The following SIPA1L2 variants were observed in gnomAD, a reference collection of about 807,000 sequenced individuals.
SIPA1L2 encodes signal induced proliferation associated 1 like 2.
In SIPA1L2, 56 loss-of-function variants were observed where a neutral mutation model predicts 163.9. The observed-to-expected ratio is 0.34, with a 90% CI of 0.28 to 0.43. SIPA1L2 has a LOEUF of 0.43. Ranked by LOEUF, SIPA1L2 falls within the 20% of genes least tolerant of loss-of-function variation. The probability of loss-of-function intolerance (pLI) is 1.00; values close to 1 mark genes in which losing one functional copy is unlikely to be tolerated. For missense variants in SIPA1L2, 1,974 were observed against 2,193.5 expected (o/e 0.90, Z 2.00); for synonymous variants, 877 against 865.7 (o/e 1.01, Z -0.23).
intron 1 of SIPA1L2, among the ~76,000 whole-genome samples, chr1:232,610,789 G>A (rs1662198113): frequency 6.6e-6 from 1 of 152,138 alleles, no homozygotes; most frequent in Non-Finnish European, 1.5e-5. Context: ...AGCAAGTGAA[G>A]GAGAATAAGG....
intron 7 of SIPA1L2, among the ~76,000 whole-genome samples, chr1:232,475,984 G>A (rs962118767): frequency 2.6e-5 from 4 of 152,116 alleles, no homozygotes; most frequent in Non-Finnish European, 5.9e-5. Flanking sequence ...GCTACTCATG[G>A]AAAGCTAAGT....
intron 22 of SIPA1L2, among the ~76,000 whole-genome samples, chr1:232,400,505 CAG>C (rs1660275048): frequency 6.6e-6 from 1 of 152,268 alleles, no homozygotes; most frequent in Non-Finnish European, 1.5e-5. Flanking sequence ...GTCGGGCAGG[CAG>C]ACAGTGCATC....
At chr1:232,508,162 A>C (rs1331531982) in intron 3 of SIPA1L2, among the ~76,000 whole-genome samples, 1 of 152,198 alleles carries the variant, frequency 6.6e-6, no homozygotes, top group African/African-American at 2.4e-5. Context: ...CTCTAGCAAA[A>C]CAACGTTCCC....
At position 232,402,381 on chromosome 1, in the gene SIPA1L2, C is replaced by G; in HGVS notation, c.5022+11G>C. The G allele has an allele frequency of 6.2e-7, 1 of 1,610,372 alleles. No individual in the cohort carries two copies. Among genetic ancestry groups the G allele is most frequent in the Non-Finnish European group, 8.5e-7 (1 of 1,177,730 alleles). On this transcript the variant is annotated intron_variant, in intron 22 of 22. Coordinates refer to ENST00000674635, the MANE Select transcript of SIPA1L2 (RefSeq NM_020808.5). The stretch of plus-strand genomic sequence containing the variant: ...AGAAACAGTTCTGATTATGCTCTTC[C>G]AATTGATTACCTTCCGAAGGTCGGT...
At chr1:232,411,967 T>C (rs1376933799) in intron 19 of SIPA1L2, among the ~76,000 whole-genome samples, 3 of 152,204 alleles carry the variant, frequency 2.0e-5, no homozygotes, top group African/African-American at 7.2e-5. Flanking sequence ...GCCTCCTTTT[T>C]GGAGGGAGCT....
At chr1:232,441,905 A>T in intron 12 of SIPA1L2, 37 bp from the exon 13 acceptor site, 1 of 1,558,778 alleles carries the variant, frequency 6.4e-7, no homozygotes, top group Non-Finnish European at 8.8e-7. Flanking sequence ...TCCTTTCTCA[A>T]CCGTGCCACC....
At position 232,443,593 on chromosome 1, in the gene SIPA1L2, G is replaced by T; in HGVS notation, c.3437+9C>A. On this transcript the variant is annotated intron_variant, in intron 12 of 22. Coordinates refer to ENST00000674635, the MANE Select transcript of SIPA1L2 (RefSeq NM_020808.5). ...CCCAGTGGATAACTAAGATAAAAATGAACAGTACCCGTCGTAGCCCACTTG... is the reference window on the plus strand; with the variant it reads ...CCCAGTGGATAACTAAGATAAAAATTAACAGTACCCGTCGTAGCCCACTTG... 2.5e-6 allele frequency: 4 copies of T among 1,570,192 alleles called. No individual in the cohort carries two copies. Among genetic ancestry groups the T allele is most frequent in the Non-Finnish European group, 3.5e-6 (4 of 1,157,132 alleles).
rs187794986 is a variant in SIPA1L2 at position 232,436,012 on chromosome 1, G to C, written c.4031+3096C>G. Among the ~76,000 whole-genome samples the C allele has an allele frequency of 1.5e-4, 23 of 152,238 alleles. No individual in the cohort carries two copies. The East Asian group carries it at 4.1e-3, about 27-fold the overall frequency. ...GCTGGAGGAGGCTGCTATGGTGTCG[G>C]TTGTGAAAACCCAGAGTTAAAGAAT... On this transcript the variant is annotated intron_variant, in intron 15 of 22. Coordinates refer to ENST00000674635, the MANE Select transcript of SIPA1L2 (RefSeq NM_020808.5).
chr1:232,558,628 AC>A (rs550072700), intron 2 of SIPA1L2, among the ~76,000 whole-genome samples: 1 of 152,220 alleles, frequency 6.6e-6, no homozygotes, highest in African/African-American at 2.4e-5. Context: ...TTCTCAGTGC[AC>A]CCCCAAACAA....
chr1:232,466,505 G>C (rs1359115786), intron 8 of SIPA1L2, among the ~76,000 whole-genome samples: 1 of 152,086 alleles, frequency 6.6e-6, no homozygotes, highest in African/African-American at 2.4e-5. Context: ...ACAAAGGAAG[G>C]ACTGGCCAGG....
chr1:232,605,860 T>G (rs927789025), intron 1 of SIPA1L2, among the ~76,000 whole-genome samples: 1 of 152,210 alleles, frequency 6.6e-6, no homozygotes. Context: ...TAGGACTTCT[T>G]ACACACATCA....
chr1:232,444,843 G>A (rs923743350), intron 11 of SIPA1L2, among the ~76,000 whole-genome samples: 3 of 152,172 alleles, frequency 2.0e-5, no homozygotes, highest in Non-Finnish European at 2.9e-5. Flanking sequence ...AGCCTGACAA[G>A]TCATAATTGA....
At chr1:232,511,521 A>G (rs1666980043) in intron 3 of SIPA1L2, among the ~76,000 whole-genome samples, 1 of 152,192 alleles carries the variant, frequency 6.6e-6, no homozygotes, top group Non-Finnish European at 1.5e-5. Flanking sequence ...AGGAGGGGGA[A>G]TTATTAATAA....
intron 2 of SIPA1L2, among the ~76,000 whole-genome samples, chr1:232,573,832 G>T (rs900511880): frequency 6.6e-6 from 1 of 152,116 alleles, no homozygotes; most frequent in Admixed American, 6.5e-5. Context: ...CTCACGTGTT[G>T]TACCTCTAAT....
At chr1:232,536,285 C>T (rs532159997) in intron 2 of SIPA1L2, among the ~76,000 whole-genome samples, 5 of 152,326 alleles carry the variant, frequency 3.3e-5, no homozygotes, top group Non-Finnish European at 7.3e-5. Context: ...TCTCAGTAAC[C>T]ATGAAGCAGA....
chr1:232,583,858 G>C (rs891385132), intron 1 of SIPA1L2, among the ~76,000 whole-genome samples: 2 of 138,862 alleles, frequency 1.4e-5, no homozygotes, highest in East Asian at 4.1e-4. Context: ...ATGTAACAAA[G>C]GCCTCAGAAG....
intron 22 of SIPA1L2, among the ~76,000 whole-genome samples, chr1:232,399,507 G>A (rs12038451): frequency 2.6e-5 from 4 of 151,834 alleles, no homozygotes; most frequent in African/African-American, 9.7e-5. Flanking sequence ...CTCCCATGGG[G>A]TGCTAAGATA....
At chr1:232,492,318 A>G (rs1665973049) in intron 4 of SIPA1L2, among the ~76,000 whole-genome samples, 1 of 152,196 alleles carries the variant, frequency 6.6e-6, no homozygotes, top group Non-Finnish European at 1.5e-5. Context: ...GATAAAACCT[A>G]AAGTGCTGGA....
rs575895852 is a variant in SIPA1L2 at position 232,579,001 on chromosome 1, C to A, written c.-318-4779G>T. On this transcript the variant is annotated intron_variant, in intron 1 of 22. Transcript: ENST00000674635. The stretch of plus-strand genomic sequence containing the variant: ...GAGCTTGGGGCCAGGTGCTGGGATG[C>A]CAAGTGTGAGGGGGAAAGGTTCTCC... Among the ~76,000 whole-genome samples the A allele has an allele frequency of 7.9e-5, 12 of 152,296 alleles. No homozygotes were observed. The South Asian group carries it at 2.3e-3, about 29-fold the overall frequency.
Sources: allele counts gnomAD v4.1 joint callset (sites outside exome capture counted in the v4.1 genomes callset), GRCh38; gene constraint gnomAD v4.1.1; transcripts MANE v1.5; gene names NCBI Gene and HGNC (gene_info 2026-07-23, HGNC 2026-07-21).